Variants in EHMT1 observed in about 807,000 individuals in gnomAD.
EHMT1 encodes histone-lysine N-methyltransferase EHMT1.
EHMT1 carries 15 observed loss-of-function variants against 147.2 expected under a neutral mutation model. That is an observed-to-expected ratio of 0.10 (90% CI 0.07 to 0.16). The LOEUF (loss-of-function observed/expected upper bound fraction) is 0.16, where lower values mean the gene tolerates loss of function less well. Among genes scored for constraint, EHMT1 ranks in the 10% least tolerant of loss-of-function variants. The pLI is 1.00. For synonymous variants in EHMT1, 795 were observed against 709.6 expected (o/e 1.12, Z -1.91); for missense variants, 1,587 against 1,772.4 (o/e 0.90, Z 1.88).
intron 10 of EHMT1, among the ~76,000 whole-genome samples, chr9:137,774,460 G>A (rs1440754702): frequency 2.5e-4 from 37 of 146,028 alleles, no homozygotes; most frequent in Admixed American, 2.2e-3. Context: ...GGATCTGGTG[G>A]GTGTGGGCAC....
chr9:137,820,821 C>T (rs557135894), intron 25 of EHMT1, among the ~76,000 whole-genome samples: 1 of 152,310 alleles, frequency 6.6e-6, no homozygotes, highest in African/African-American at 2.4e-5. Flanking sequence ...GGCTGTGTTA[C>T]CTTAATTATT....
chr9:137,825,193 G>A (rs2132971152), intron 25 of EHMT1, among the ~76,000 whole-genome samples: 1 of 152,272 alleles, frequency 6.6e-6, no homozygotes, highest in South Asian at 2.1e-4. Flanking sequence ...GCTTTGCCAC[G>A]CTGCCTTCCT....
chr9:137,741,008 G>A (rs929775042), intron 4 of EHMT1, among the ~76,000 whole-genome samples: 2 of 146,522 alleles, frequency 1.4e-5, no homozygotes, highest in African/African-American at 2.7e-5. Flanking sequence ...ACAGAGTCTC[G>A]CTGTGTTGCC....
At chr9:137,818,276 GC>G in intron 25 of EHMT1, 138 bp downstream of exon 25, 1 of 954,830 alleles carries the variant, frequency 1.0e-6, no homozygotes, top group Admixed American at 1.9e-5. Context: ...CCTGCTGAGT[GC>G]CGCATTTGGA....
chr9:137,756,082 TG>T (rs762850416), intron 8 of EHMT1, among the ~76,000 whole-genome samples: 6 of 152,214 alleles, frequency 3.9e-5, no homozygotes, highest in Admixed American at 6.5e-5. Context: ...TTATTTTACT[TG>T]GGGGGTTCAT....
chr9:137,636,431 G>A (rs886668087), intron 1 of EHMT1, among the ~76,000 whole-genome samples: 6 of 152,064 alleles, frequency 3.9e-5, no homozygotes, highest in African/African-American at 1.2e-4. Context: ...CTAGTAAAAT[G>A]TTGAATAGAA....
intron 1 of EHMT1, among the ~76,000 whole-genome samples, chr9:137,691,757 C>T (rs899020135): frequency 5.3e-5 from 8 of 152,300 alleles, no homozygotes; most frequent in Non-Finnish European, 7.4e-5. Flanking sequence ...CACGTCCTTG[C>T]CAGCACTTGT....
chr9:137,759,699 A>G (rs1225697876), intron 9 of EHMT1, among the ~76,000 whole-genome samples: 2 of 152,248 alleles, frequency 1.3e-5, no homozygotes, highest in African/African-American at 4.8e-5. Flanking sequence ...CTGTTCAGTC[A>G]TGCTCTTGAT....
intron 1 of EHMT1, among the ~76,000 whole-genome samples, chr9:137,645,921 A>G (rs1462592402): frequency 6.6e-6 from 1 of 151,810 alleles, no homozygotes; most frequent in African/African-American, 2.4e-5. Flanking sequence ...TTGGATCTAT[A>G]CTGAGTTAAA....
At chr9:137,822,841 C>G (rs550308062) in intron 25 of EHMT1, among the ~76,000 whole-genome samples, 23 of 147,900 alleles carry the variant, frequency 1.6e-4, no homozygotes, top group African/African-American at 5.9e-4. Context: ...TGCAGTGAGC[C>G]AAGATCATGC....
At position 137,763,069 on chromosome 9, in the gene EHMT1, G is replaced by C. The variant is rs961128527; in HGVS notation, c.1647+249G>C. 4 of 611,344 alleles carry C rather than the reference G, an allele frequency of 6.5e-6. No homozygotes were observed. In the Admixed American group the frequency reaches 8.7e-5, roughly 13 times the overall value. The allele number at this position is 611,344 out of a possible 1,614,324, so 37.9% of individuals were successfully genotyped here. On this transcript the variant is annotated intron_variant, in intron 10 of 26. Coordinates refer to ENST00000460843, the MANE Select transcript of EHMT1 (RefSeq NM_024757.5). ...AGTCTTTGAATGAAAATGGCCTGTT[G>C]TATTTCTTTTTTATGATCATGGTTT...
At chr9:137,809,075 G>A (rs1017205129) in intron 18 of EHMT1, among the ~76,000 whole-genome samples, 2 of 152,170 alleles carry the variant, frequency 1.3e-5, no homozygotes, top group Admixed American at 1.3e-4. Flanking sequence ...GCAGAGGGGT[G>A]GAGGAGCCCA....
At chr9:137,761,746 C>T (rs578175502) in intron 9 of EHMT1, among the ~76,000 whole-genome samples, 49 of 152,286 alleles carry the variant, frequency 3.2e-4, no homozygotes, top group Non-Finnish European at 5.7e-4. Flanking sequence ...CGTGAGCCAC[C>T]GCGCCCAGCC....
chr9:137,765,132 AT>A (rs1288851513), intron 10 of EHMT1, among the ~76,000 whole-genome samples: 2 of 152,228 alleles, frequency 1.3e-5, no homozygotes, highest in African/African-American at 4.8e-5. Context: ...CCATTGTTTC[AT>A]TCAAAGTTTC....
intron 2 of EHMT1, among the ~76,000 whole-genome samples, chr9:137,713,385 T>G (rs1483515504): frequency 4.7e-5 from 7 of 148,188 alleles, no homozygotes; most frequent in African/African-American, 1.2e-4. Context: ...TTCTTCTGCC[T>G]CAGCCTCACG....
At position 137,762,559 on chromosome 9, in the gene EHMT1, G is replaced by C. The variant is rs996804378; in HGVS notation, c.1502-116G>C. On this transcript the variant is annotated intron_variant, in intron 9 of 26. Coordinates refer to ENST00000460843, the MANE Select transcript of EHMT1 (RefSeq NM_024757.5). Reference sequence around the variant, plus strand: ...GGCTGTTTGTGCTGGGTAATCAACCGCATTGCTTTCATTTCCTGGCGTGTG... The same window carrying C: ...GGCTGTTTGTGCTGGGTAATCAACCCCATTGCTTTCATTTCCTGGCGTGTG... 24 of 1,543,984 alleles carry C rather than the reference G, an allele frequency of 1.6e-5. 1 individual carries two copies. The South Asian group carries it at 2.8e-4, about 18-fold the overall frequency.
At chr9:137,740,008 G>T (rs1947910776) in intron 4 of EHMT1, among the ~76,000 whole-genome samples, 1 of 152,108 alleles carries the variant, frequency 6.6e-6, no homozygotes, top group Non-Finnish European at 1.5e-5. Context: ...GCAGAGTTGT[G>T]GTGGTGACCA....
In EHMT1 at chr9:137,828,497, C is replaced by T. The variant is rs1564836175; in HGVS notation, c.3541-5852C>T. Among the ~76,000 whole-genome samples, 1 of 151,850 alleles carries T rather than the reference C, an allele frequency of 6.6e-6. No homozygotes were observed. The highest frequency in any genetic ancestry group is 1.5e-5 in the Non-Finnish European group (1 of 67,962). On this transcript the variant is annotated intron_variant, in intron 25 of 26. Coordinates refer to ENST00000460843, the MANE Select transcript of EHMT1 (RefSeq NM_024757.5). The surrounding 1 kb of genome is among the most constrained non-coding windows in gnomAD (Gnocchi z 5.3). The stretch of plus-strand genomic sequence containing the variant: ...AGCACAGGGTCTCGAGACCCCATGA[C>T]CTCTAGGGTCACGCGGAGGCTCCTG...
chr9:137,822,786 G>A (rs571354478), intron 25 of EHMT1, among the ~76,000 whole-genome samples: 102 of 152,048 alleles, frequency 6.7e-4, no homozygotes, highest in African/African-American at 2.2e-3. Context: ...CCAGTTACTC[G>A]GGAGGCTGAG....
Sources: gnomAD v4.1 joint callset for allele counts (sites outside exome capture counted in the v4.1 genomes callset) on GRCh38, gnomAD v4.1.1 for gene constraint, Gnocchi (gnomAD v3.1) non-coding constraint, MANE v1.5 for transcripts, NCBI Gene and HGNC (gene_info 2026-07-23, HGNC 2026-07-21) for gene names.